Variants in GPHN observed in about 807,000 individuals in gnomAD.
GPHN encodes the protein gephyrin.
A neutral mutation model predicts 95.5 loss-of-function variants in GPHN; 17 were observed. The observed-to-expected ratio is 0.18, with a 90% CI of 0.12 to 0.27. The LOEUF is 0.27. Among genes scored for constraint, GPHN ranks in the 10% least tolerant of loss-of-function variants. GPHN has a pLI of 1.00. For synonymous variants in GPHN, 320 were observed against 322.5 expected (o/e 0.99, Z 0.08); for missense variants, 660 against 978.1 (o/e 0.67, Z 4.34).
chr14:67,036,825 A>G (rs982367167), intron 10 of GPHN, among the ~76,000 whole-genome samples: 1 of 151,904 alleles, frequency 6.6e-6, no homozygotes, highest in African/African-American at 2.4e-5. Flanking sequence ...TCATGGATGG[A>G]AAGACACAAT....
chr14:66,692,927 C>A (rs1486932124), intron 2 of GPHN, among the ~76,000 whole-genome samples: 1 of 152,002 alleles, frequency 6.6e-6, no homozygotes. Context: ...GATTTCATAG[C>A]TTCATTGCAC....
chr14:67,013,906 A>G (rs2073153351), intron 9 of GPHN, among the ~76,000 whole-genome samples: 1 of 152,110 alleles, frequency 6.6e-6, no homozygotes, highest in Non-Finnish European at 1.5e-5. Flanking sequence ...ACTTTCTTCC[A>G]GAAGTGTCAC....
the GPHN span, chr14:67,312,454 G>A: frequency 1.5e-5 from 16 of 1,061,454 alleles, no homozygotes; most frequent in Admixed American, 8.3e-5. Context: ...AAAATTTGTA[G>A]CATTTAAATT....
chr14:67,140,606 A>G (rs2080397612), intron 17 of GPHN, among the ~76,000 whole-genome samples: 1 of 152,190 alleles, frequency 6.6e-6, no homozygotes, highest in Admixed American at 6.5e-5. Context: ...TTCTACTAAC[A>G]TAAAATTATA....
intron 1 of GPHN, among the ~76,000 whole-genome samples, chr14:66,552,756 T>C (rs1400172247): frequency 6.6e-6 from 1 of 152,196 alleles, no homozygotes; most frequent in Admixed American, 6.5e-5. Context: ...TTTTACTGTT[T>C]TCTGACTTCC....
the GPHN span, chr14:67,302,258 CTAAT>C: frequency 8.9e-7 from 1 of 1,122,292 alleles, no homozygotes; most frequent in East Asian, 2.9e-5. Context: ...ACTTTTAAAT[CTAAT>C]TACAATTACT....
intron 1 of GPHN, among the ~76,000 whole-genome samples, chr14:66,555,050 A>G (rs2059954384): frequency 6.6e-6 from 1 of 152,154 alleles, no homozygotes; most frequent in Admixed American, 6.5e-5. Context: ...GCTTCAGAAT[A>G]TTGGAACTAA....
At chr14:66,980,084 A>G (rs889706304) in intron 9 of GPHN, among the ~76,000 whole-genome samples, 2 of 152,232 alleles carry the variant, frequency 1.3e-5, no homozygotes, top group African/African-American at 4.8e-5. Context: ...CGCTGATCAT[A>G]GACAACCATA....
At chr14:67,456,777 G>A in the GPHN span, among the ~76,000 whole-genome samples, 1 of 152,208 alleles carries the variant, frequency 6.6e-6, no homozygotes, top group African/African-American at 2.4e-5. Flanking sequence ...CCATTACTGG[G>A]TTATATACCC....
intron 1 of GPHN, among the ~76,000 whole-genome samples, chr14:66,604,080 C>T (rs2062391568): frequency 6.6e-6 from 1 of 152,060 alleles, no homozygotes; most frequent in Non-Finnish European, 1.5e-5. Context: ...ATTCTCATAA[C>T]ATTGCATGAA....
Position 66,932,444 on chromosome 14 carries a change from GTTTTTTTTTTTTTT to G in GPHN, c.828+8175_828+8188del, listed in dbSNP as rs35159325. ...AGGTGGGGAATCCTGCCAAGACCAG[GTTTTTTTTTTTTTT>G]TTTTTTTTTTTTTTTTTTTTTTCAG... On this transcript the variant is annotated intron_variant, in intron 8 of 22. Coordinates refer to ENST00000478722, the MANE Select transcript of GPHN (RefSeq NM_020806.5). Among the ~76,000 whole-genome samples the G allele has an allele frequency of 2.6e-3, 63 of 24,390 alleles. 1 individual carries two copies. The highest frequency in any genetic ancestry group is 0.012 in the South Asian group (5 of 412). 16.0% of individuals were successfully genotyped at this position (24,390 alleles called of 152,430 possible).
chr14:66,970,804 T>C (rs2069706380), intron 9 of GPHN, among the ~76,000 whole-genome samples: 1 of 152,118 alleles, frequency 6.6e-6, no homozygotes, highest in South Asian at 2.1e-4. Context: ...AACAAAAAGG[T>C]TGGAAACCAG....
intron 1 of GPHN, among the ~76,000 whole-genome samples, chr14:66,573,125 A>G (rs1053842932): frequency 6.6e-6 from 1 of 152,154 alleles, no homozygotes; most frequent in Non-Finnish European, 1.5e-5. Flanking sequence ...CATATTACCT[A>G]TTATGGAATG....
intron 10 of GPHN, among the ~76,000 whole-genome samples, chr14:67,045,425 C>G (rs1419736372): frequency 6.7e-6 from 1 of 148,638 alleles, no homozygotes; most frequent in African/African-American, 2.5e-5. Context: ...TCTCTCTTGT[C>G]TTTCTGTCTT....
intron 9 of GPHN, among the ~76,000 whole-genome samples, chr14:66,966,317 G>C (rs2069322571): frequency 6.6e-6 from 1 of 151,962 alleles, no homozygotes; most frequent in Non-Finnish European, 1.5e-5. Flanking sequence ...AGTGCAGTTT[G>C]TTTTACATTA....
the GPHN span, among the ~76,000 whole-genome samples, chr14:67,286,746 TAC>T: frequency 6.7e-6 from 1 of 149,996 alleles, no homozygotes. Context: ...TGGTCTTAGC[TAC>T]TTGGGAGGCT....
the GPHN span, among the ~76,000 whole-genome samples, chr14:67,597,623 T>C: frequency 2.1e-4 from 32 of 152,268 alleles, no homozygotes; most frequent in Middle Eastern, 0.01. Context: ...ATTAATTGCA[T>C]TGAATAAGCA....
Position 66,596,657 on chromosome 14 carries a change from G to A in GPHN, c.65-84450G>A, listed in dbSNP as rs1430161344. On this transcript the variant is annotated intron_variant, in intron 1 of 22. Transcript: ENST00000478722. ...CAAAATTGGAGCGGGTGTTTGTAGT[G>A]GGTGCTTGGAGTGGGGAGAGGCTAG... 2.0e-5 allele frequency among the ~76,000 whole-genome samples: 3 copies of A among 152,306 alleles called. No homozygotes were observed. The South Asian group carries it at 6.2e-4, about 32-fold the overall frequency.
intron 9 of GPHN, among the ~76,000 whole-genome samples, chr14:66,984,717 A>G (rs950874542): frequency 1.3e-5 from 2 of 152,230 alleles, no homozygotes; most frequent in Non-Finnish European, 2.9e-5. Flanking sequence ...TATTTCTGCT[A>G]TCTCCTAATA....
Sources: allele counts gnomAD v4.1 joint callset (sites outside exome capture counted in the v4.1 genomes callset), GRCh38; gene constraint gnomAD v4.1.1; transcripts MANE v1.5; gene names NCBI Gene and HGNC (gene_info 2026-07-23, HGNC 2026-07-21).